SIGLEC1: variants seen among roughly 807,000 people sequenced by gnomAD.
SIGLEC1 encodes the protein sialic acid binding Ig like lectin 1.
In SIGLEC1, 132 loss-of-function variants were observed where a neutral mutation model predicts 148.0. The ratio of observed to expected loss-of-function variants is 0.89; its 90% CI spans 0.77 to 1.03. SIGLEC1 has a LOEUF of 1.03. SIGLEC1 is among the 50% of genes least tolerant of loss of function. SIGLEC1 has a pLI of 0.00. For missense variants in SIGLEC1, 2,253 were observed against 2,271.4 expected, an observed-to-expected ratio of 0.99 and a Z score of 0.16; for synonymous variants, 945 against 969.0, an observed-to-expected ratio of 0.98 and a Z score of 0.46.
At position 3,707,141 on chromosome 20, in the gene SIGLEC1, T is replaced by C. The variant is rs2087903106; in HGVS notation, c.-13A>G. 6.2e-7 allele frequency: 1 copy of C among 1,613,654 alleles called. No homozygotes were observed. The highest frequency in any genetic ancestry group is 8.5e-7 in the Non-Finnish European group (1 of 1,179,738). ...GCAAGAAGCCCATAGCAGGTTCTTG[T>C]GCTGCTCCTGTTGCCTAAGAGGGTG... is the stretch of plus-strand genomic sequence containing the variant. On this transcript the variant is annotated 5_prime_UTR_variant, in exon 2 of 22. Coordinates refer to ENST00000344754, the MANE Select transcript of SIGLEC1 (RefSeq NM_023068.4).
rs959936886 is a variant in SIGLEC1 at position 3,694,991 on chromosome 20, G to A, written c.2684-68C>T. ...CCTCTCACAGTCTGGGACCATGTGC[G>A]TGTCCACCTAGGACTACACAACCCA... On this transcript the variant is annotated intron_variant, in intron 11 of 21. Coordinates refer to ENST00000344754, the MANE Select transcript of SIGLEC1 (RefSeq NM_023068.4). 2.7e-5 allele frequency: 40 copies of A among 1,507,922 alleles called. 1 individual carries two copies. Among genetic ancestry groups the A allele is most frequent in the African/African-American group, 4.1e-5 (3 of 72,376 alleles). The allele number at this position is 1,507,922 out of a possible 1,614,324, so 93.4% of individuals were successfully genotyped here. A position where few individuals can be genotyped will look rare whatever the true frequency, so the allele number is the denominator to read the frequency against.
At chr20:3,705,047 G>C (rs1237224101) in intron 4 of SIGLEC1, among the ~76,000 whole-genome samples, 1 of 152,104 alleles carries the variant, frequency 6.6e-6, no homozygotes, top group Non-Finnish European at 1.5e-5. Flanking sequence ...ACCCAGGCTG[G>C]AGTGCAGTGG....
chr20:3,704,419 C>T (rs1361260074), intron 4 of SIGLEC1, among the ~76,000 whole-genome samples: 1 of 152,194 alleles, frequency 6.6e-6, no homozygotes, highest in Non-Finnish European at 1.5e-5. Context: ...CACACAGGGT[C>T]ATGGGTACCC....
intron 16 of SIGLEC1, 66 bp downstream of exon 16, chr20:3,692,455 C>G (rs369087795): frequency 4.7e-6 from 7 of 1,492,772 alleles, no homozygotes; most frequent in South Asian, 2.6e-5. Flanking sequence ...CCACTCCCAC[C>G]AGAGCCCAGA....
In SIGLEC1 at chr20:3,706,176, C is replaced by T. The variant is rs1275213228; in HGVS notation, c.410-136G>A. 3.9e-6 allele frequency: 5 copies of T among 1,278,226 alleles called. No homozygotes were observed. The African/African-American group carries it at 4.5e-5, about 11-fold the overall frequency. 79.2% of individuals were successfully genotyped at this position (1,278,226 alleles called of 1,614,324 possible). Reference sequence around the variant, plus strand: ...GGAAAGACGCTTTCTACTCCAGCCCCACTTGGGTGAATACAAGGGAGAACC... The same window carrying T: ...GGAAAGACGCTTTCTACTCCAGCCCTACTTGGGTGAATACAAGGGAGAACC... On this transcript the variant is annotated intron_variant, in intron 3 of 21. Transcript: ENST00000344754.
At position 3,696,794 on chromosome 20, in the gene SIGLEC1, G is replaced by T; in HGVS notation, c.2475C>A (p.Ala825=). ...FICTVDSRPL[A]LLALFHGEHL... ...GCTCCCCATGGAACAAGGCCAGCAA[G>T]GCCAGGGGGCGGCTGTCCACAGTGC... The change falls in exon 11 of 22, where the codon GCC becomes GCA. Residue 825 remains alanine, a synonymous_variant. Transcript: ENST00000344754. The T allele has an allele frequency of 6.2e-7, 1 of 1,612,290 alleles. No individual in the cohort carries two copies. The highest frequency in any genetic ancestry group is 2.2e-5 in the East Asian group (1 of 44,862).
chr20:3,693,348 G>A (rs112032141), intron 14 of SIGLEC1, 99 bp downstream of exon 14: 96 of 1,361,340 alleles, frequency 7.1e-5, no homozygotes, highest in African/African-American at 8.7e-5. Flanking sequence ...ACTGGGTACC[G>A]AGTTCCCCAC....
intron 6 of SIGLEC1, among the ~76,000 whole-genome samples, chr20:3,702,244 G>A (rs141936197): frequency 9.8e-5 from 15 of 152,332 alleles, no homozygotes; most frequent in African/African-American, 2.9e-4. Flanking sequence ...ACAAAAGACA[G>A]TATTAGGTCC....
chr20:3,711,427 C>G (rs755073276), intron 1 of SIGLEC1, among the ~76,000 whole-genome samples: 2 of 152,060 alleles, frequency 1.3e-5, no homozygotes, highest in Admixed American at 6.5e-5. Flanking sequence ...TTCCAGAGGC[C>G]AAGTTTAGCT....
chr20:3,708,909 G>A (rs966114943), intron 1 of SIGLEC1, among the ~76,000 whole-genome samples: 1 of 151,958 alleles, frequency 6.6e-6, no homozygotes, highest in African/African-American at 2.4e-5. Flanking sequence ...GCTGGGTGTG[G>A]TGGTGTGCAC....
At chr20:3,698,982 G>T (rs986462917) in intron 8 of SIGLEC1, among the ~76,000 whole-genome samples, 13 of 152,258 alleles carry the variant, frequency 8.5e-5, no homozygotes, top group African/African-American at 3.1e-4. Flanking sequence ...GGAGCCCACA[G>T]GGCTGGCATT....
In SIGLEC1 at chr20:3,701,491, T is replaced by C. The variant is rs754797532; in HGVS notation, c.1379A>G (p.Asp460Gly). 4 of 1,614,070 alleles carry C rather than the reference T, an allele frequency of 2.5e-6. No homozygotes were observed. In the South Asian group the frequency reaches 4.4e-5, roughly 18 times the overall value. The change falls in exon 7 of 22, where the codon GAT (aspartate) becomes GGT (glycine). Residue 460 changes from aspartate (D) to glycine (G), a missense_variant. Asp to Gly is a moderately conservative substitution (Grantham distance 94, BLOSUM62 -1). Transcript: ENST00000344754. ...GGTACCACTGAAGCGTGGGCTGTGA[T>C]CACTGTCCCCGGAGGTGGAGGCCAG... is the stretch of plus-strand genomic sequence containing the variant. ...HILASTSGDSDHSPRFSGTSG... is the reference protein window; with the variant it reads ...HILASTSGDSGHSPRFSGTSG...
In SIGLEC1 at chr20:3,690,331, T is replaced by G. The variant is rs542782600; in HGVS notation, c.4592-67A>C. The G allele has an allele frequency of 3.8e-6, 5 of 1,325,272 alleles. No homozygotes were observed. In the South Asian group the frequency reaches 7.3e-5, roughly 19 times the overall value. 82.1% of individuals were successfully genotyped at this position (1,325,272 alleles called of 1,614,324 possible). ...ACAAATTTCTCCCTCCCTGTACCCA[T>G]GCACAGTGACTTTGCTGCTCCTCCC... On this transcript the variant is annotated intron_variant, in intron 18 of 21. Coordinates refer to ENST00000344754, the MANE Select transcript of SIGLEC1 (RefSeq NM_023068.4).
chr20:3,706,740 G>A (rs1568463624), intron 2 of SIGLEC1, 34 bp from the exon 3 acceptor site: 13 of 1,509,330 alleles, frequency 8.6e-6, no homozygotes, highest in Non-Finnish European at 1.2e-5. Context: ...CAGAGGGGAG[G>A]GTGATACAGG....
At chr20:3,692,793 T>TCAGCCGGGCC in intron 15 of SIGLEC1, 21 bp from the exon 16 acceptor site, 1 of 1,604,030 alleles carries the variant, frequency 6.2e-7, no homozygotes, top group East Asian at 2.2e-5. Flanking sequence ...GAGGCCAGGA[T>TCAGCCGGGCC]CAGCCGGGCC....
intron 7 of SIGLEC1, 57 bp downstream of exon 7, chr20:3,701,285 G>T: frequency 6.8e-7 from 1 of 1,468,870 alleles, no homozygotes; most frequent in South Asian, 1.3e-5. Flanking sequence ...GAACAGACTG[G>T]AGCAGGCTCC....
rs529831171 is a variant in SIGLEC1, at chr20:3,697,266, C to G, written c.2199G>C (p.Arg733=). ...AGTTAGCAGGGCTGCCAGCAGCTTC[C>G]CGGCTCACGTTGCAAGTCAAGTTGG... ...TEANLTCNVS[R]EAAGSPANFS... Residue 733 remains arginine, a synonymous_variant, in exon 10 of 22, where the codon CGG becomes CGC. Transcript: ENST00000344754. 2 of 1,613,976 alleles carry G rather than the reference C, an allele frequency of 1.2e-6. No individual in the cohort carries two copies. Among genetic ancestry groups the G allele is most frequent in the African/African-American group, 2.7e-5 (2 of 75,038 alleles).
rs1177236588 is a variant in SIGLEC1 at position 3,693,590 on chromosome 20, T to C, written c.3365A>G (p.Tyr1122Cys). The C allele has an allele frequency of 1.2e-6, 2 of 1,612,832 alleles. No individual in the cohort carries two copies. Among genetic ancestry groups the C allele is most frequent in the African/African-American group, 2.7e-5 (2 of 74,932 alleles). ...ATCCAGGCGCTGCTGCCCATCCTGG[T>C]ACCATGTGTAGGTGAGCTGGGCCGG... ...THPAQLTYTW[Y>C]QDGQQRLDAH... is the part of the protein sequence containing the mutation. The change falls in exon 14 of 22, where the codon TAC becomes TGC. Residue 1122 changes from tyrosine (Y) to cysteine (C), a missense_variant. Coordinates refer to ENST00000344754, the MANE Select transcript of SIGLEC1 (RefSeq NM_023068.4).
rs1416631408 is a variant in SIGLEC1 at position 3,710,209 on chromosome 20, C to A, written c.-110+2261G>T. On this transcript the variant is annotated intron_variant, in intron 1 of 21. Coordinates refer to ENST00000344754, the MANE Select transcript of SIGLEC1 (RefSeq NM_023068.4). The surrounding 1 kb of genome is among the most constrained non-coding windows in gnomAD (Gnocchi z 4.6). ...GCCCATCCGCCTCAGGGGCTGGGCTCAGCAGATTCCAATGACTACCAGGGG... is the reference window on the plus strand; with the variant it reads ...GCCCATCCGCCTCAGGGGCTGGGCTAAGCAGATTCCAATGACTACCAGGGG... Among the ~76,000 whole-genome samples, 1 of 152,110 alleles carries A rather than the reference C, an allele frequency of 6.6e-6. No homozygotes were observed. The highest frequency in any genetic ancestry group is 1.5e-5 in the Non-Finnish European group (1 of 68,020).
Sources: gnomAD v4.1 joint callset for allele counts (sites outside exome capture counted in the v4.1 genomes callset) on GRCh38, gnomAD v4.1.1 for gene constraint, Gnocchi (gnomAD v3.1) non-coding constraint, MANE v1.5 for transcripts, NCBI Gene and HGNC (gene_info 2026-07-23, HGNC 2026-07-21) for gene names.